The following SNX17 variants were observed in gnomAD, a reference collection of about 807,000 sequenced individuals.
SNX17 encodes the protein sorting nexin 17.
Under a neutral mutation model 64.3 loss-of-function variants are expected in SNX17, and 35 were observed. That is an observed-to-expected ratio of 0.54 (90% CI 0.42 to 0.72). The LOEUF (loss-of-function observed/expected upper bound fraction) is 0.72. Among genes scored for constraint, SNX17 ranks in the 30% least tolerant of loss-of-function variants. SNX17 has a pLI of 0.00. For synonymous variants in SNX17, 259 were observed against 230.2 expected (o/e 1.13, Z -1.13); for missense variants, 538 against 610.0 (o/e 0.88, Z 1.24).
Position 27,375,813 on chromosome 2 carries a change from G to A in SNX17, c.979-33G>A, listed in dbSNP as rs755855189. ...CAGGGAGCCAGACAGGTTGGTCAGA[G>A]TGAACTCAACCGAATTCCCCTTCCT... On this transcript the variant is annotated intron_variant, in intron 10 of 14. Coordinates refer to ENST00000233575, the MANE Select transcript of SNX17 (RefSeq NM_014748.4). This position sits in a 1 kb window ranked among gnomAD's most constrained non-coding sequence, Gnocchi z 4.1. 8 of 1,612,236 alleles carry A rather than the reference G, an allele frequency of 5.0e-6. No individual in the cohort carries two copies. The highest frequency in any genetic ancestry group is 5.9e-6 in the Non-Finnish European group (7 of 1,179,156).
At position 27,376,116 on chromosome 2, in the gene SNX17, T is replaced by G. The variant is rs769462755; in HGVS notation, c.1115T>G (p.Met372Arg). Residue 372 changes from methionine to arginine, a missense_variant, in exon 12 of 15, where the codon ATG becomes AGG. Met to Arg is a moderately conservative substitution (Grantham distance 91, BLOSUM62 -1). Around this residue, in one of 3 missense-constraint regions of SNX17, gnomAD observed 505 missense variants for 550.4 expected, o/e 0.92. Coordinates refer to ENST00000233575, the MANE Select transcript of SNX17 (RefSeq NM_014748.4). ...TCTTCTTGCCCTCAGGCTATCATGA[T>G]GAGCATCTGCTTGCAGTCCATGGTT... is the stretch of plus-strand genomic sequence containing the variant. The part of the protein sequence containing the change: ...VTITSPQAIM[M>R]SICLQSMVDE... 6.2e-7 allele frequency: 1 copy of G among 1,614,164 alleles called. No individual in the cohort carries two copies. The highest frequency in any genetic ancestry group is 8.5e-7 in the Non-Finnish European group (1 of 1,180,038).
Position 27,372,729 on chromosome 2 carries a change from A to G in SNX17, c.245A>G (p.Tyr82Cys). ...VEQRREQLEKYMQAVRQDPLL... is the reference protein window; with the variant it reads ...VEQRREQLEKCMQAVRQDPLL... The stretch of plus-strand genomic sequence containing the variant: ...CAGAGGAGAGAGCAGTTAGAGAAGT[A>G]CATGCAAGCTGGTGAGTGGTTGCAG... Residue 82 changes from tyrosine to cysteine, a missense_variant, in exon 3 of 15, where the codon TAC becomes TGC. By Grantham distance (194) the Tyr-to-Cys change is radical. Transcript: ENST00000233575. 1 of 1,614,218 alleles carries G rather than the reference A, an allele frequency of 6.2e-7. No individual in the cohort carries two copies. The highest frequency in any genetic ancestry group is 8.5e-7 in the Non-Finnish European group (1 of 1,180,032).
intron 3 of SNX17, chr2:27,373,024 A>G (rs1441616827): frequency 1.3e-6 from 2 of 1,542,830 alleles, no homozygotes; most frequent in African/African-American, 1.4e-5. Context: ...GATTAACATC[A>G]TTGTTATTTC....
At position 27,377,434 on chromosome 2, in the gene SNX17, G is replaced by C; in HGVS notation, c.*715G>C. 1 of 1,219,378 alleles carries C rather than the reference G, an allele frequency of 8.2e-7. No individual in the cohort carries two copies. Among genetic ancestry groups the C allele is most frequent in the Non-Finnish European group, 1.2e-6 (1 of 846,332 alleles). The allele number at this position is 1,219,378 out of a possible 1,614,324, so 75.5% of individuals were successfully genotyped here. ...TATGGGCCCCCCCGCCCATGGGGTT[G>C]GGCTGGTCCTTATAGTGCCTACGTT... On this transcript the variant is annotated 3_prime_UTR_variant, in exon 15 of 15. Transcript: ENST00000233575. The surrounding 1 kb of genome is among the most constrained non-coding windows in gnomAD (Gnocchi z 4.4).
Position 27,371,220 on chromosome 2 carries a change from G to T in SNX17, c.64-49G>T, listed in dbSNP as rs780294814. On this transcript the variant is annotated intron_variant, in intron 1 of 14. Transcript: ENST00000233575. ...ACTTCCGGCCAGGGTTCTCAGGGGG[G>T]TTGCGCAGACCGCAACCCTAAAATG... is the stretch of plus-strand genomic sequence containing the variant. 3.2e-6 allele frequency: 5 copies of T among 1,561,350 alleles called. No homozygotes were observed. The African/African-American group carries it at 6.8e-5, about 21-fold the overall frequency.
At position 27,370,673 on chromosome 2, in the gene SNX17, C is replaced by T. The variant is rs1406163287; in HGVS notation, c.-71C>T. 3 of 1,486,794 alleles carry T rather than the reference C, an allele frequency of 2.0e-6. No homozygotes were observed. In the South Asian group the frequency reaches 3.9e-5, roughly 19 times the overall value. The allele number at this position is 1,486,794 out of a possible 1,614,324, so 92.1% of individuals were successfully genotyped here. A position where few individuals can be genotyped will look rare whatever the true frequency, so the allele number is the denominator to read the frequency against. ...GAGGCTGCGGGGACTCGCTGAGCAGCGGAGGGGGAGCGTGCAGAGCCGCTG... is the reference window on the plus strand; with the variant it reads ...GAGGCTGCGGGGACTCGCTGAGCAGTGGAGGGGGAGCGTGCAGAGCCGCTG... On this transcript the variant is annotated 5_prime_UTR_variant, in exon 1 of 15. Coordinates refer to ENST00000233575, the MANE Select transcript of SNX17 (RefSeq NM_014748.4).
At chr2:27,373,558 T>G in intron 4 of SNX17, 1 of 534,668 alleles carries the variant, frequency 1.9e-6, no homozygotes, top group Non-Finnish European at 3.3e-6. Context: ...AGACGGGGTT[T>G]TGCCGTGTTG....
chr2:27,376,749 C>A lies in SNX17; in HGVS notation c.*30C>A. On this transcript the variant is annotated 3_prime_UTR_variant, in exon 15 of 15. Coordinates refer to ENST00000233575, the MANE Select transcript of SNX17 (RefSeq NM_014748.4). ...CACTGCTTGGATGTCTGCCCTCTAC[C>A]CCAGAGGAATTTACAGAAACTTGCC... The A allele has an allele frequency of 6.3e-7, 1 of 1,580,000 alleles. No homozygotes were observed. The highest frequency in any genetic ancestry group is 1.1e-5 in the South Asian group (1 of 89,992).
intron 2 of SNX17, among the ~76,000 whole-genome samples, 187 bp from the exon 3 acceptor site, chr2:27,372,436 T>C (rs1320660955): frequency 6.6e-6 from 1 of 152,130 alleles, no homozygotes. Flanking sequence ...GCACAACTTA[T>C]ATCTAGGACA....
intron 8 of SNX17, 117 bp downstream of exon 8, chr2:27,374,875 C>G: frequency 9.5e-7 from 1 of 1,050,504 alleles, no homozygotes. Context: ...TCCTAGAATA[C>G]TATCAGTGCT....
At position 27,375,771 on chromosome 2, in the gene SNX17, T is replaced by A; in HGVS notation, c.978+62T>A. The A allele has an allele frequency of 1.2e-6, 2 of 1,610,856 alleles. No homozygotes were observed. Among genetic ancestry groups the A allele is most frequent in the Non-Finnish European group, 1.7e-6 (2 of 1,178,456 alleles). ...GGGCCCGGCAAGCCTTGAGCTTAGG[T>A]ATGGGCTGCAGCGGGTCAGGGAGCC... is the stretch of plus-strand genomic sequence containing the variant. On this transcript the variant is annotated intron_variant, in intron 10 of 14. Transcript: ENST00000233575. The surrounding 1 kb of genome is among the most constrained non-coding windows in gnomAD (Gnocchi z 4.1).
At chr2:27,371,176 T>C in intron 1 of SNX17, 93 bp from the exon 2 acceptor site, 1 of 1,126,918 alleles carries the variant, frequency 8.9e-7, no homozygotes, top group Non-Finnish European at 1.3e-6. Flanking sequence ...AGCGCGTTAC[T>C]CCGGCGAGTT....
chr2:27,373,048 A>G lies in SNX17; in HGVS notation c.257-199A>G, dbSNP rs545093107. The G allele has an allele frequency of 4.4e-5, 68 of 1,548,688 alleles. 1 individual carries two copies. In the South Asian group the frequency reaches 4.4e-4, roughly 10 times the overall value. The stretch of plus-strand genomic sequence containing the variant: ...CATTGTTATTTCCCTAGTTCTATAG[A>G]CTGGACTCACCTAGATGGCAGCCAA... On this transcript the variant is annotated intron_variant, in intron 3 of 14. Transcript: ENST00000233575.
chr2:27,372,884 A>G (rs1682774671), intron 3 of SNX17, 144 bp downstream of exon 3: 3 of 1,288,562 alleles, frequency 2.3e-6, no homozygotes, highest in East Asian at 5.0e-5. Context: ...AGCAAAGTAA[A>G]TAGTGTACGA....
chr2:27,376,043 C>T, intron 11 of SNX17, 63 bp from the exon 12 acceptor site: 1 of 1,613,706 alleles, frequency 6.2e-7, no homozygotes, highest in African/African-American at 1.3e-5. Flanking sequence ...ATATGGGAGG[C>T]ATTAGTGGTG....
intron 3 of SNX17, chr2:27,372,972 A>G: frequency 7.1e-7 from 1 of 1,406,642 alleles, no homozygotes; most frequent in Admixed American, 2.0e-5. Context: ...CACTAGTCTT[A>G]ATATCAGTGG....
chr2:27,377,356 C>T lies in SNX17; in HGVS notation c.*637C>T. The T allele has an allele frequency of 2.8e-6, 2 of 719,622 alleles. No individual in the cohort carries two copies. The highest frequency in any genetic ancestry group is 2.7e-5 in the East Asian group (1 of 37,396). 44.6% of individuals were successfully genotyped at this position (719,622 alleles called of 1,614,324 possible). On this transcript the variant is annotated 3_prime_UTR_variant, in exon 15 of 15. Coordinates refer to ENST00000233575, the MANE Select transcript of SNX17 (RefSeq NM_014748.4). The surrounding 1 kb of genome is among the most constrained non-coding windows in gnomAD (Gnocchi z 4.4). The stretch of plus-strand genomic sequence containing the variant: ...GGGGCAGTGGAGGTGAATACAGGGC[C>T]CTTCTCACTGAGCTCGTGAAGTGCC...
chr2:27,371,532 C>A lies in SNX17; in HGVS notation c.138+189C>A. On this transcript the variant is annotated intron_variant, in intron 2 of 14. Transcript: ENST00000233575. ...CTCCCTAAGAAGCTTAATGTCCGCGCAACAACTGCTCCTTCCTGTTCTTAT... is the reference window on the plus strand; with the variant it reads ...CTCCCTAAGAAGCTTAATGTCCGCGAAACAACTGCTCCTTCCTGTTCTTAT... 23 of 1,206,074 alleles carry A rather than the reference C, an allele frequency of 1.9e-5. No individual in the cohort carries two copies. The South Asian group carries it at 4.0e-4, about 21-fold the overall frequency. The allele number at this position is 1,206,074 out of a possible 1,614,324, so 74.7% of individuals were successfully genotyped here. A position where few individuals can be genotyped will look rare whatever the true frequency, so the allele number is the denominator to read the frequency against.
At chr2:27,372,220 T>G (rs1682681831) in intron 2 of SNX17, among the ~76,000 whole-genome samples, 1 of 152,324 alleles carries the variant, frequency 6.6e-6, no homozygotes, top group Non-Finnish European at 1.5e-5. Context: ...GAAAGATGGA[T>G]TCTTTGATCT....
Sources: gnomAD v4.1 joint callset for allele counts (sites outside exome capture counted in the v4.1 genomes callset) on GRCh38, gnomAD v4.1.1 for gene constraint, gnomAD v4.1.1 regional missense constraint, Gnocchi (gnomAD v3.1) non-coding constraint, MANE v1.5 for transcripts, NCBI Gene and HGNC (gene_info 2026-07-23, HGNC 2026-07-21) for gene names.